The following IQCM variants were observed in gnomAD, a reference collection of about 807,000 sequenced individuals.
The protein encoded by IQCM is IQ motif containing M, also known as IQ domain-containing protein M.
A neutral mutation model predicts 57.6 loss-of-function variants in IQCM; 45 were observed. The ratio of observed to expected loss-of-function variants is 0.78; its 90% CI spans 0.62 to 1.00. IQCM has a LOEUF of 1.00. IQCM is among the 50% of genes least tolerant of loss of function. The pLI, the probability that IQCM is intolerant of heterozygous loss-of-function variation, is 0.00. For missense variants in IQCM, 468 were observed against 511.6 expected, an observed-to-expected ratio of 0.91 and a Z score of 0.82; for synonymous variants, 148 against 158.9, an observed-to-expected ratio of 0.93 and a Z score of 0.51.
chr4:149,485,938 G>T (rs558669643), intron 12 of IQCM, among the ~76,000 whole-genome samples: 1 of 151,644 alleles, frequency 6.6e-6, no homozygotes, highest in East Asian at 2.0e-4. Context: ...GGTGGACTTG[G>T]ATAAGATCCA....
At chr4:149,590,518 G>A (rs1209637997) in intron 8 of IQCM, among the ~76,000 whole-genome samples, 4 of 151,532 alleles carry the variant, frequency 2.6e-5, no homozygotes, top group Non-Finnish European at 5.9e-5. Context: ...TTGTTACATA[G>A]GTACACACAT....
chr4:149,633,237 G>A (rs1757447960), intron 7 of IQCM, among the ~76,000 whole-genome samples: 1 of 150,180 alleles, frequency 6.7e-6, no homozygotes. Flanking sequence ...AGTGAAATGA[G>A]CTAAGGCGAA....
intron 5 of IQCM, among the ~76,000 whole-genome samples, chr4:149,703,604 A>C (rs1358415414): frequency 5.3e-5 from 8 of 151,948 alleles, no homozygotes; most frequent in African/African-American, 1.7e-4. Context: ...TTGCATATCA[A>C]ACATACTGTC....
chr4:149,814,392 A>G lies in IQCM; in HGVS notation c.-49+919T>C, dbSNP rs1016537751. 3.3e-5 allele frequency among the ~76,000 whole-genome samples: 5 copies of G among 152,006 alleles called. No individual in the cohort carries two copies. The East Asian group carries it at 9.6e-4, about 29-fold the overall frequency. Reference sequence around the variant, plus strand: ...CATGCTACATTGGAATCAGCTTTAGAAAATGATCTCTTACCACCAGAATTA... The same window carrying G: ...CATGCTACATTGGAATCAGCTTTAGGAAATGATCTCTTACCACCAGAATTA... On this transcript the variant is annotated intron_variant, in intron 2 of 13. Transcript: ENST00000636793.
At chr4:149,790,492 G>C (rs1772495880) in intron 2 of IQCM, among the ~76,000 whole-genome samples, 1 of 152,150 alleles carries the variant, frequency 6.6e-6, no homozygotes, top group African/African-American at 2.4e-5. Context: ...GTACCACCTG[G>C]ATGTGGATGT....
At chr4:149,698,548 C>G (rs1393691551) in intron 5 of IQCM, among the ~76,000 whole-genome samples, 1 of 152,046 alleles carries the variant, frequency 6.6e-6, no homozygotes, top group Non-Finnish European at 1.5e-5. Context: ...CACCACGAAA[C>G]TTCAATGTGT....
At chr4:149,434,287 G>A (rs2111281796) in intron 12 of IQCM, among the ~76,000 whole-genome samples, 1 of 152,176 alleles carries the variant, frequency 6.6e-6, no homozygotes, top group South Asian at 2.1e-4. Context: ...AGCTGAACAT[G>A]ACCTGTATTA....
chr4:149,609,113 A>T (rs1161493647), intron 8 of IQCM, among the ~76,000 whole-genome samples: 4 of 151,790 alleles, frequency 2.6e-5, no homozygotes. Context: ...ATAATTAGCA[A>T]CTATATGCTA....
At chr4:149,374,752 A>G (rs937159715) in intron 13 of IQCM, among the ~76,000 whole-genome samples, 3 of 152,090 alleles carry the variant, frequency 2.0e-5, no homozygotes, top group African/African-American at 7.2e-5. Context: ...AACTCCTGCC[A>G]ACCTTGACCT....
intron 2 of IQCM, among the ~76,000 whole-genome samples, chr4:149,759,008 A>G (rs1769252500): frequency 6.6e-6 from 1 of 152,146 alleles, no homozygotes; most frequent in African/African-American, 2.4e-5. Context: ...GAATGTTCAT[A>G]GTAGCTTTAT....
chr4:149,542,730 A>C (rs1747980125), intron 12 of IQCM, among the ~76,000 whole-genome samples: 1 of 151,676 alleles, frequency 6.6e-6, no homozygotes, highest in Admixed American at 6.6e-5. Flanking sequence ...AGATAATTAT[A>C]GAAGTTTATT....
intron 13 of IQCM, among the ~76,000 whole-genome samples, chr4:149,364,289 C>A (rs1213698390): frequency 6.6e-6 from 1 of 152,060 alleles, no homozygotes; most frequent in Admixed American, 6.6e-5. Flanking sequence ...GGGGCTATAG[C>A]AATAGCTCTG....
intron 7 of IQCM, among the ~76,000 whole-genome samples, chr4:149,635,393 C>T (rs1208831778): frequency 1.3e-5 from 2 of 152,174 alleles, no homozygotes; most frequent in African/African-American, 4.8e-5. Flanking sequence ...AACATCTTTA[C>T]TTTGTTCTCC....
chr4:149,733,541 A>T, intron 4 of IQCM, 33 bp from the exon 5 acceptor site: 3 of 1,125,322 alleles, frequency 2.7e-6, no homozygotes, highest in Non-Finnish European at 3.4e-6. Flanking sequence ...TTTTGGCAAA[A>T]TTTAATTTTA....
At position 149,559,021 on chromosome 4, in the gene IQCM, T is replaced by A. The variant is rs574226591; in HGVS notation, c.948+4671A>T. Among the ~76,000 whole-genome samples the A allele has an allele frequency of 5.9e-5, 9 of 152,152 alleles. No individual in the cohort carries two copies. In the East Asian group the frequency reaches 1.7e-3, roughly 30 times the overall value. On this transcript the variant is annotated intron_variant, in intron 10 of 13. Transcript: ENST00000636793. ...CTCTTGCCTGCCCTTTCCCTTAAAT[T>A]CCACATTTCTCAACCATACACCAGA...
In IQCM at chr4:149,634,625, T is replaced by C. The variant is rs918541846; in HGVS notation, c.566-13381A>G. On this transcript the variant is annotated intron_variant, in intron 7 of 13. Transcript: ENST00000636793. ...TCAGATGACATTTTCACTTTCATTC[T>C]GCAAACTTATAACAAAAGCCTTTAA... is the stretch of plus-strand genomic sequence containing the variant. 2.6e-5 allele frequency among the ~76,000 whole-genome samples: 4 copies of C among 152,322 alleles called. No individual in the cohort carries two copies. In the East Asian group the frequency reaches 7.7e-4, roughly 29 times the overall value.
intron 13 of IQCM, among the ~76,000 whole-genome samples, chr4:149,409,158 G>A (rs1269649465): frequency 6.6e-6 from 1 of 152,220 alleles, no homozygotes; most frequent in Non-Finnish European, 1.5e-5. Flanking sequence ...ATGATCCAGT[G>A]AGTGAGAAGC....
chr4:149,589,827 G>A (rs1752964950), intron 8 of IQCM, among the ~76,000 whole-genome samples: 1 of 151,886 alleles, frequency 6.6e-6, no homozygotes, highest in Non-Finnish European at 1.5e-5. Flanking sequence ...CAGGAAGCAG[G>A]ACCTATATTT....
intron 12 of IQCM, among the ~76,000 whole-genome samples, chr4:149,473,546 C>A (rs547072393): frequency 2.6e-5 from 4 of 152,190 alleles, no homozygotes; most frequent in African/African-American, 4.8e-5. Flanking sequence ...ACTAATTCAA[C>A]CATTGTGGAA....
Sources: gnomAD v4.1 joint callset for allele counts (sites outside exome capture counted in the v4.1 genomes callset) on GRCh38, gnomAD v4.1.1 for gene constraint, MANE v1.5 for transcripts, NCBI Gene and HGNC (gene_info 2026-07-23, HGNC 2026-07-21) for gene names.